The following RBM10 variants were observed in gnomAD, a reference collection of about 807,000 sequenced individuals.
The protein encoded by RBM10 is RNA binding motif protein 10, also known as RNA-binding protein 10.
In RBM10, 1 loss-of-function variant was observed where a neutral mutation model predicts 84.9. The ratio of observed to expected loss-of-function variants is 0.01; its 90% CI spans 0.00 to 0.06. RBM10 has a LOEUF of 0.06. Among genes scored for constraint, RBM10 ranks in the 10% least tolerant of loss-of-function variants. RBM10 has a pLI of 1.00. For missense variants in RBM10, 438 were observed against 839.0 expected, an observed-to-expected ratio of 0.52 and a Z score of 5.90; for synonymous variants, 326 against 344.5, an observed-to-expected ratio of 0.95 and a Z score of 0.60.
intron 2 of RBM10, among the ~76,000 whole-genome samples, chrX:47,151,075 T>TC (rs1932777680): frequency 2.7e-5 from 3 of 109,856 alleles, no homozygotes; most frequent in Non-Finnish European, 1.9e-5. Flanking sequence ...TTTTTTTTTT[T>TC]TCTCGAGACT....
At chrX:47,176,637 T>C in intron 7 of RBM10, 51 bp downstream of exon 7, 1 of 1,203,723 alleles carries the variant, frequency 8.3e-7, no homozygotes, top group Non-Finnish European at 1.1e-6. Flanking sequence ...GCAACAGCAG[T>C]GGCGGCGATC....
intron 2 of RBM10, among the ~76,000 whole-genome samples, chrX:47,161,150 T>A (rs562606832): frequency 4.5e-5 from 5 of 110,257 alleles, no homozygotes; most frequent in African/African-American, 1.7e-4. Context: ...CTGACTACTG[T>A]GTTACCCAGG....
intron 2 of RBM10, among the ~76,000 whole-genome samples, chrX:47,166,236 G>A (rs1374561982): frequency 9.0e-5 from 10 of 110,667 alleles, no homozygotes; most frequent in African/African-American, 3.0e-4. Flanking sequence ...GTGAGGTCCT[G>A]TATCTACAAA....
At chrX:47,185,991 C>T (rs1935875978) in intron 21 of RBM10, 74 bp from the exon 22 acceptor site, 1 of 1,169,182 alleles carries the variant, frequency 8.6e-7, no homozygotes, top group Admixed American at 2.4e-5. Flanking sequence ...CTGTGGGACC[C>T]CACTCCCCAT....
intron 21 of RBM10, 112 bp from the exon 22 acceptor site, chrX:47,185,953 C>T: frequency 8.7e-7 from 1 of 1,151,171 alleles, no homozygotes; most frequent in Non-Finnish European, 1.2e-6. Context: ...CCCTCAGGAC[C>T]TGAGCCTCAT....
In RBM10 at chrX:47,180,711, A is replaced by G. The variant is rs782173666; in HGVS notation, c.1248+205A>G. 3.6e-5 allele frequency among the ~76,000 whole-genome samples: 4 copies of G among 110,808 alleles called. No homozygotes were observed. In the South Asian group the frequency reaches 1.5e-3, roughly 42 times the overall value. ...CATCATCACCGCAGCTTTCTTCCCA[A>G]TTGCCTCCCATGCGCTCATGTACGA... On this transcript the variant is annotated intron_variant, in intron 12 of 23. Coordinates refer to ENST00000377604, the MANE Select transcript of RBM10 (RefSeq NM_005676.5).
chrX:47,161,019 G>A (rs782562139), intron 2 of RBM10, among the ~76,000 whole-genome samples: 2 of 111,414 alleles, frequency 1.8e-5, no homozygotes, highest in Non-Finnish European at 3.8e-5. Flanking sequence ...GCAGTGGCGC[G>A]ATCAGAGCTC....
intron 2 of RBM10, chrX:47,158,096 C>T (rs1398486966): frequency 1.0e-5 from 2 of 198,840 alleles, no homozygotes; most frequent in Non-Finnish European, 1.9e-5. Flanking sequence ...CACTTCTATC[C>T]CTCACTTCCT....
rs59244074 is a variant in RBM10, at chrX:47,167,378, C to CT, written c.18-1919dup. On this transcript the variant is annotated intron_variant, in intron 2 of 23. Transcript: ENST00000377604. ...TATATTTTCTTTTATGATTTCATTT[C>CT]TTTTTTTTTTTTTTTTTTAAGACAG... Among the ~76,000 whole-genome samples, 338 of 88,453 alleles carry CT rather than the reference C, an allele frequency of 3.8e-3. 1 individual carries two copies. Among genetic ancestry groups the CT allele is most frequent in the East Asian group, 7.3e-3 (21 of 2,894 alleles). 76.8% of individuals were successfully genotyped at this position (88,453 alleles called of 115,157 possible).
At chrX:47,151,327 A>T (rs1037089958) in intron 2 of RBM10, among the ~76,000 whole-genome samples, 6 of 111,733 alleles carry the variant, frequency 5.4e-5, no homozygotes, top group African/African-American at 1.6e-4. Context: ...CTTATTTTTT[A>T]AAAAATATTT....
At chrX:47,178,793 G>A (rs782636148) in intron 7 of RBM10, among the ~76,000 whole-genome samples, 3 of 112,267 alleles carry the variant, frequency 2.7e-5, no homozygotes, top group South Asian at 3.7e-4. Flanking sequence ...TACCTGAGGC[G>A]GGGAACAGTC....
chrX:47,145,278 G>C lies in RBM10; in HGVS notation c.-333G>C. On this transcript the variant is annotated 5_prime_UTR_variant, in exon 1 of 24. Transcript: ENST00000377604. ...CTTCTCGTCGTCGCCATTTTGAGCT[G>C]GTGACTGTGGCCGGCTGGGAGTAGG... is the stretch of plus-strand genomic sequence containing the variant. 1.8e-6 allele frequency: 1 copy of C among 542,731 alleles called. No individual in the cohort carries two copies. Among genetic ancestry groups the C allele is most frequent in the Non-Finnish European group, 3.1e-6 (1 of 319,153 alleles). The allele number at this position is 542,731 out of a possible 1,213,427, so 44.7% of individuals were successfully genotyped here.
chrX:47,147,836 C>A (rs1040274612), intron 2 of RBM10, among the ~76,000 whole-genome samples: 3 of 110,880 alleles, frequency 2.7e-5, no homozygotes, highest in African/African-American at 9.9e-5. Context: ...AGGATTTGCC[C>A]GGGACCACTA....
intron 2 of RBM10, among the ~76,000 whole-genome samples, chrX:47,165,360 A>G (rs1556768457): frequency 9.2e-6 from 1 of 108,168 alleles, no homozygotes; most frequent in African/African-American, 3.4e-5. Context: ...TACTAAAAGT[A>G]CAAAATTAGC....
chrX:47,179,333 C>A lies in RBM10; in HGVS notation c.739C>A (p.Leu247Met), dbSNP rs782431273. The change falls in exon 9 of 24, where the codon CTG becomes ATG. Residue 247 changes from leucine (L) to methionine (M), a missense_variant. By Grantham distance (15) the Leu-to-Met change is conservative. Transcript: ENST00000377604. ...GVPKSEAEQK[L>M]PLGTRLDQQT... ...GCCCCTGACAGAGGCAGAGCAGAAGCTGCCCCTCGGCACGAGGCTGGATCA... is the reference window on the plus strand; with the variant it reads ...GCCCCTGACAGAGGCAGAGCAGAAGATGCCCCTCGGCACGAGGCTGGATCA... 46 of 1,197,690 alleles carry A rather than the reference C, an allele frequency of 3.8e-5. No individual in the cohort carries two copies. Among genetic ancestry groups the A allele is most frequent in the Non-Finnish European group, 4.5e-5 (40 of 890,004 alleles).
At chrX:47,167,433 G>T (rs1374678164) in intron 2 of RBM10, among the ~76,000 whole-genome samples, 32 of 104,196 alleles carry the variant, frequency 3.1e-4, no homozygotes, top group Non-Finnish European at 5.7e-4. Context: ...GACTGGCAGT[G>T]GCTCACCGCA....
chrX:47,178,385 C>A (rs1165102681), intron 7 of RBM10, among the ~76,000 whole-genome samples: 1 of 111,391 alleles, frequency 9.0e-6, no homozygotes, highest in Admixed American at 9.5e-5. Context: ...AGGGACTGTC[C>A]CTGCCGAGTA....
intron 2 of RBM10, among the ~76,000 whole-genome samples, chrX:47,162,464 T>C (rs967663467): frequency 2.5e-4 from 28 of 111,893 alleles, no homozygotes; most frequent in African/African-American, 8.1e-4. Flanking sequence ...TTAATAGTTA[T>C]CATAAATAAT....
chrX:47,157,778 G>T, intron 2 of RBM10: 1 of 367,556 alleles, frequency 2.7e-6, no homozygotes. Flanking sequence ...TCAGCTGCAT[G>T]ACTTTTTTTT....
Sources: gnomAD v4.1 joint callset for allele counts (sites outside exome capture counted in the v4.1 genomes callset) on GRCh38, gnomAD v4.1.1 for gene constraint, MANE v1.5 for transcripts, NCBI Gene and HGNC (gene_info 2026-07-23, HGNC 2026-07-21) for gene names.